The following SYNE1 variants were observed in gnomAD, a reference collection of about 807,000 sequenced individuals.
The protein encoded by SYNE1 is spectrin repeat containing nuclear envelope protein 1.
Under a neutral mutation model 1,111.0 loss-of-function variants are expected in SYNE1, and 616 were observed. The observed-to-expected ratio is 0.55, with a 90% CI of 0.52 to 0.59. The LOEUF is 0.59. Ranked by LOEUF, SYNE1 falls within the 20% of genes least tolerant of loss-of-function variation. The pLI is 0.00. For synonymous variants in SYNE1, 3,855 were observed against 3,825.8 expected (o/e 1.01, Z -0.28); for missense variants, 10,006 against 10,417.0 (o/e 0.96, Z 1.72).
At chr6:152,470,665 G>C (rs1001178318) in intron 16 of SYNE1, among the ~76,000 whole-genome samples, 1 of 152,120 alleles carries the variant, frequency 6.6e-6, no homozygotes, top group Admixed American at 6.5e-5. Context: ...AGATGCTTCA[G>C]TGAAAATATG....
intron 4 of SYNE1, among the ~76,000 whole-genome samples, chr6:152,536,945 C>T (rs2099246282): frequency 6.6e-6 from 1 of 152,030 alleles, no homozygotes; most frequent in Non-Finnish European, 1.5e-5. Flanking sequence ...GTAATTGGCA[C>T]GTGGTAAGAA....
intron 91 of SYNE1, among the ~76,000 whole-genome samples, chr6:152,304,750 C>G (rs913608548): frequency 6.6e-6 from 1 of 152,214 alleles, no homozygotes; most frequent in South Asian, 2.1e-4. Flanking sequence ...CAGCAAGTGA[C>G]CATTTCTTAA....
At chr6:152,267,442 G>C (rs897778558) in intron 100 of SYNE1, among the ~76,000 whole-genome samples, 3 of 152,136 alleles carry the variant, frequency 2.0e-5, no homozygotes, top group Non-Finnish European at 4.4e-5. Context: ...GCTCACAGTC[G>C]AGTGACTTTT....
In SYNE1 at chr6:152,409,170, G is replaced by A; in HGVS notation, c.6438C>T (p.Thr2146=). 6.2e-7 allele frequency: 1 copy of A among 1,614,042 alleles called. No homozygotes were observed. ...CAGATAACAAGTGTTTTCCTTTGCT[G>A]GTAAAGTTATCCAAGTCTTTCTGTT... ...NYKQKDLDNF[T]SKGKHLLSEL... Residue 2146 remains threonine (T), a synonymous_variant, in exon 44 of 146, where the codon ACC becomes ACT. Transcript: ENST00000367255.
chr6:152,566,299 T>C (rs555999949), intron 3 of SYNE1, among the ~76,000 whole-genome samples: 1 of 152,140 alleles, frequency 6.6e-6, no homozygotes, highest in South Asian at 2.1e-4. Context: ...TTCTCGCTTC[T>C]CAAGCTGAAG....
chr6:152,405,207 G>A (rs1465190483), intron 45 of SYNE1, among the ~76,000 whole-genome samples: 2 of 152,228 alleles, frequency 1.3e-5, no homozygotes, highest in African/African-American at 4.8e-5. Flanking sequence ...CACACAGACA[G>A]TGGGTAACAT....
intron 117 of SYNE1, among the ~76,000 whole-genome samples, chr6:152,223,518 C>T (rs1415288802): frequency 6.6e-6 from 1 of 152,138 alleles, no homozygotes; most frequent in African/African-American, 2.4e-5. Flanking sequence ...ACTCAGGAGG[C>T]TGAGGCAGAG....
intron 70 of SYNE1, 142 bp downstream of exon 70, chr6:152,351,885 G>A (rs2096747327): frequency 2.7e-6 from 2 of 740,286 alleles, no homozygotes; most frequent in Admixed American, 2.1e-5. Flanking sequence ...ATAGGTCATG[G>A]CATCACTGGT....
chr6:152,237,074 C>T lies in SYNE1; in HGVS notation c.20068-126G>A, dbSNP rs1588446892. The T allele has an allele frequency of 5.9e-6, 8 of 1,346,704 alleles. No individual in the cohort carries two copies. The East Asian group carries it at 2.0e-4, about 34-fold the overall frequency. 83.4% of individuals were successfully genotyped at this position (1,346,704 alleles called of 1,614,324 possible). ...TTATATCAGAGATGTTTGCGTTGGGCCTTGCTTTGGGAAGCAAAAGATGGC... is the reference window on the plus strand; with the variant it reads ...TTATATCAGAGATGTTTGCGTTGGGTCTTGCTTTGGGAAGCAAAAGATGGC... On this transcript the variant is annotated intron_variant, in intron 108 of 145. Transcript: ENST00000367255.
chr6:152,268,080 G>A lies in SYNE1; in HGVS notation c.18791C>T (p.Ala6264Val), dbSNP rs541293835. 11 of 1,613,856 alleles carry A rather than the reference G, an allele frequency of 6.8e-6. No homozygotes were observed. Among genetic ancestry groups the A allele is most frequent in the South Asian group, 2.2e-5 (2 of 91,064 alleles). ...RGEEILIQHS[A>V]AETSGDAGEK... The stretch of plus-strand genomic sequence containing the variant: ...CCCAGCATCACCAGAGGTCTCTGCC[G>A]CCGAATGTTGAATTAGAATCTCCTC... Residue 6264 changes from alanine to valine, a missense_variant, in exon 100 of 146, where the codon GCG (alanine) becomes GTG (valine). This residue lies in a region of SYNE1 where 2,182 missense variants were observed against 2,287.8 expected (regional missense o/e 0.95). Coordinates refer to ENST00000367255, the MANE Select transcript of SYNE1 (RefSeq NM_182961.4).
chr6:152,283,288 T>C (rs550491267), intron 96 of SYNE1, among the ~76,000 whole-genome samples: 4 of 152,240 alleles, frequency 2.6e-5, no homozygotes, highest in Non-Finnish European at 5.9e-5. Context: ...TGGCTAACAG[T>C]GACTAAGTAG....
rs1198044096 is a variant in SYNE1 at position 152,430,195 on chromosome 6, A to G, written c.4705T>C (p.Ser1569Pro). The change falls in exon 36 of 146, where the codon TCT becomes CCT. Residue 1569 changes from serine (S) to proline (P), a missense_variant. Around this residue, in one of 7 missense-constraint regions of SYNE1, gnomAD observed 1,971 missense variants for 2,084.1 expected, o/e 0.95. Coordinates refer to ENST00000367255, the MANE Select transcript of SYNE1 (RefSeq NM_182961.4). The stretch of plus-strand genomic sequence containing the variant: ...ACAGCAAGTTTATCTTCAAATTCAG[A>G]CACAGATTGCTGGATCTAAAACATT... ...ENLRKIQQSV[S>P]EFEDKLAVPI... 3 of 1,602,694 alleles carry G rather than the reference A, an allele frequency of 1.9e-6. No individual in the cohort carries two copies. The highest frequency in any genetic ancestry group is 1.7e-6 in the Non-Finnish European group (2 of 1,172,382).
chr6:152,582,674 TA>T (rs1376581174), intron 3 of SYNE1, among the ~76,000 whole-genome samples: 1 of 152,044 alleles, frequency 6.6e-6, no homozygotes, highest in Non-Finnish European at 1.5e-5. Flanking sequence ...GCTTCTAGTG[TA>T]CCCATTACCC....
At chr6:152,413,255 T>C in intron 42 of SYNE1, 97 bp downstream of exon 42, 2 of 1,277,144 alleles carry the variant, frequency 1.6e-6, no homozygotes, top group Non-Finnish European at 2.3e-6. Context: ...GTAAAAGATA[T>C]TTAACTACTG....
intron 39 of SYNE1, among the ~76,000 whole-genome samples, chr6:152,421,412 A>G (rs2098257278): frequency 6.6e-6 from 1 of 152,204 alleles, no homozygotes; most frequent in Admixed American, 6.5e-5. Flanking sequence ...ATGGATAATT[A>G]GGCCAAGTAT....
At chr6:152,386,519 C>T (rs1432461081) in intron 54 of SYNE1, among the ~76,000 whole-genome samples, 1 of 152,026 alleles carries the variant, frequency 6.6e-6, no homozygotes, top group Non-Finnish European at 1.5e-5. Flanking sequence ...CAACTCTCTC[C>T]CTTAATTTCT....
chr6:152,210,280 G>A (rs1053628061), intron 124 of SYNE1, among the ~76,000 whole-genome samples: 1 of 151,982 alleles, frequency 6.6e-6, no homozygotes, highest in Non-Finnish European at 1.5e-5. Flanking sequence ...GTATTGAAAA[G>A]TTAATAGATG....
chr6:152,526,372 A>G (rs1427686204), intron 4 of SYNE1, among the ~76,000 whole-genome samples, 197 bp from the exon 5 acceptor site: 1 of 152,142 alleles, frequency 6.6e-6, no homozygotes, highest in African/African-American at 2.4e-5. Context: ...TGGAGATAAA[A>G]CTCGATATTC....
chr6:152,181,645 T>G (rs2813508), intron 128 of SYNE1, among the ~76,000 whole-genome samples: 7,766 of 152,254 alleles, frequency 0.051, 403 homozygotes, highest in African/African-American at 0.13. Context: ...CAATACTTCA[T>G]TCCCTTTATT....
Sources: gnomAD v4.1 joint callset for allele counts (sites outside exome capture counted in the v4.1 genomes callset) on GRCh38, gnomAD v4.1.1 for gene constraint, gnomAD v4.1.1 regional missense constraint, MANE v1.5 for transcripts, NCBI Gene and HGNC (gene_info 2026-07-23, HGNC 2026-07-21) for gene names.